The following ADGRB3 variants were observed in gnomAD, a reference collection of about 807,000 sequenced individuals.
The protein encoded by ADGRB3 is adhesion G protein-coupled receptor B3.
Under a neutral mutation model 193.4 loss-of-function variants are expected in ADGRB3, and 37 were observed. The ratio of observed to expected loss-of-function variants is 0.19; its 90% CI spans 0.15 to 0.25. The LOEUF (loss-of-function observed/expected upper bound fraction) is 0.25, where lower values mean the gene tolerates loss of function less well. Ranked by LOEUF, ADGRB3 falls within the 10% of genes least tolerant of loss-of-function variation. The pLI is 1.00. For missense variants in ADGRB3, 1,637 were observed against 1,852.9 expected, an observed-to-expected ratio of 0.88 and a Z score of 2.14; for synonymous variants, 690 against 644.2, an observed-to-expected ratio of 1.07 and a Z score of -1.08.
At chr6:69,079,387 A>G (rs1357004900) in intron 17 of ADGRB3, among the ~76,000 whole-genome samples, 1 of 152,122 alleles carries the variant, frequency 6.6e-6, no homozygotes. Flanking sequence ...CCTTCATGCT[A>G]AAAACTCTGG....
chr6:69,230,577 G>T (rs1766111280), intron 17 of ADGRB3, among the ~76,000 whole-genome samples: 2 of 152,102 alleles, frequency 1.3e-5, no homozygotes, highest in African/African-American at 2.4e-5. Flanking sequence ...ATACTATATA[G>T]TTTGTAATAA....
At chr6:68,674,500 A>T (rs1414681801) in intron 3 of ADGRB3, among the ~76,000 whole-genome samples, 1 of 152,184 alleles carries the variant, frequency 6.6e-6, no homozygotes, top group Non-Finnish European at 1.5e-5. Flanking sequence ...TTTACCACTT[A>T]TTAGGCGTGA....
chr6:68,896,476 T>C (rs1766221418), intron 3 of ADGRB3, among the ~76,000 whole-genome samples: 1 of 152,168 alleles, frequency 6.6e-6, no homozygotes, highest in African/African-American at 2.4e-5. Flanking sequence ...ATGAAGTAAT[T>C]AGAAAATGCC....
At chr6:68,821,598 T>A (rs1044090792) in intron 3 of ADGRB3, among the ~76,000 whole-genome samples, 9 of 151,864 alleles carry the variant, frequency 5.9e-5, no homozygotes, top group East Asian at 1.9e-4. Flanking sequence ...AAAAAAAAAA[T>A]TTGAGTTTTG....
intron 17 of ADGRB3, among the ~76,000 whole-genome samples, chr6:69,179,500 G>A (rs1380887123): frequency 6.6e-6 from 1 of 152,108 alleles, no homozygotes; most frequent in Non-Finnish European, 1.5e-5. Context: ...ATTTTGGTTA[G>A]GGACCATTGC....
intron 26 of ADGRB3, among the ~76,000 whole-genome samples, chr6:69,350,472 A>G (rs1357638696): frequency 6.6e-6 from 1 of 152,132 alleles, no homozygotes; most frequent in East Asian, 1.9e-4. Context: ...TTTGAAGTCT[A>G]GATTTTAACT....
chr6:68,931,797 T>G (rs1767344378), intron 4 of ADGRB3, among the ~76,000 whole-genome samples: 1 of 152,152 alleles, frequency 6.6e-6, no homozygotes, highest in Non-Finnish European at 1.5e-5. Flanking sequence ...TTAGTTGAGT[T>G]GTAAGGAGGT....
intron 28 of ADGRB3, among the ~76,000 whole-genome samples, chr6:69,357,408 T>A (rs903718196): frequency 6.6e-6 from 1 of 152,050 alleles, no homozygotes; most frequent in Admixed American, 6.6e-5. Context: ...TTTACCAATT[T>A]CAGGTTAGCA....
At chr6:68,914,572 C>T (rs577901521) in intron 3 of ADGRB3, among the ~76,000 whole-genome samples, 1 of 152,236 alleles carries the variant, frequency 6.6e-6, no homozygotes, top group Admixed American at 6.5e-5. Flanking sequence ...ACAACCAGTA[C>T]CAGCCACTGC....
chr6:69,232,640 C>G lies in ADGRB3; in HGVS notation c.2481-650C>G, dbSNP rs1288262685. 2.6e-6 allele frequency: 4 copies of G among 1,533,636 alleles called. No homozygotes were observed. In the African/African-American group the frequency reaches 5.5e-5, roughly 21 times the overall value. On this transcript the variant is annotated intron_variant, in intron 17 of 31. Coordinates refer to ENST00000370598, the MANE Select transcript of ADGRB3 (RefSeq NM_001704.3). ...GAGTAGGAAGCTTAGGTCTGAAACC[C>G]ACCCCTCCCCTGGATACCAGGCAAA...
chr6:68,993,850 C>A lies in ADGRB3; in HGVS notation c.1817C>A (p.Thr606Asn). Residue 606 changes from threonine to asparagine, a missense_variant, in exon 11 of 32, where the codon ACT becomes AAT. Thr to Asn is a moderately conservative substitution (Grantham distance 65). Around this residue, in one of 7 missense-constraint regions of ADGRB3, gnomAD observed 641 missense variants for 673.9 expected, o/e 0.95. Transcript: ENST00000370598. ...SQVTKTLLDLTQRKNFYAGDL... is the reference protein window; with the variant it reads ...SQVTKTLLDLNQRKNFYAGDL... ...GTGACCAAGACACTGTTGGATTTAACTCAGAGAAAAAATTTCTATGCAGGC... is the reference window on the plus strand; with the variant it reads ...GTGACCAAGACACTGTTGGATTTAAATCAGAGAAAAAATTTCTATGCAGGC... The A allele has an allele frequency of 6.2e-7, 1 of 1,613,976 alleles. No individual in the cohort carries two copies. Among genetic ancestry groups the A allele is most frequent in the Non-Finnish European group, 8.5e-7 (1 of 1,179,886 alleles).
In ADGRB3 at chr6:68,677,892, A is replaced by G. The variant is rs138693201; in HGVS notation, c.757+38460A>G. 2.6e-3 allele frequency among the ~76,000 whole-genome samples: 403 copies of G among 152,282 alleles called. 1 individual carries two copies. Among genetic ancestry groups the G allele is most frequent in the Non-Finnish European group, 4.4e-3 (299 of 68,012 alleles). On this transcript the variant is annotated intron_variant, in intron 3 of 31. Transcript: ENST00000370598. The stretch of plus-strand genomic sequence containing the variant: ...ATTTTTAAAGGACTTTCAAGTTATG[A>G]TCAAGTGGGTGCTACATGAAAAAGA...
intron 17 of ADGRB3, among the ~76,000 whole-genome samples, chr6:69,128,620 C>A (rs1430899204): frequency 3.3e-5 from 5 of 152,102 alleles, no homozygotes; most frequent in Non-Finnish European, 5.9e-5. Flanking sequence ...CAAAGCCAAG[C>A]AATCTATTTT....
intron 17 of ADGRB3, among the ~76,000 whole-genome samples, chr6:69,170,834 G>T (rs1004822216): frequency 6.6e-6 from 1 of 152,088 alleles, no homozygotes; most frequent in African/African-American, 2.4e-5. Flanking sequence ...CTTATTAGTG[G>T]CACATAGTTC....
chr6:69,164,970 CT>C (rs1775094410), intron 17 of ADGRB3, among the ~76,000 whole-genome samples: 2 of 151,922 alleles, frequency 1.3e-5, no homozygotes, highest in Admixed American at 1.3e-4. Context: ...AGACATTATC[CT>C]CTTTCTATGC....
At chr6:69,281,658 G>A (rs541340681) in intron 20 of ADGRB3, among the ~76,000 whole-genome samples, 2 of 152,174 alleles carry the variant, frequency 1.3e-5, no homozygotes, top group African/African-American at 4.8e-5. Context: ...AAACTGCTCT[G>A]GATTAGAGCA....
chr6:69,241,135 A>G (rs1475004129), intron 20 of ADGRB3, among the ~76,000 whole-genome samples: 1 of 151,966 alleles, frequency 6.6e-6, no homozygotes, highest in African/African-American at 2.4e-5. Flanking sequence ...ATGGTACTAC[A>G]GACATTTCTA....
intron 10 of ADGRB3, among the ~76,000 whole-genome samples, chr6:68,977,720 C>T (rs72906771): frequency 0.26 from 39,768 of 151,950 alleles, 5,470 homozygotes; most frequent in Middle Eastern, 0.42. Flanking sequence ...GTTTATTCGG[C>T]TCCTACATAG....
At chr6:68,860,831 A>G (rs1765130824) in intron 3 of ADGRB3, among the ~76,000 whole-genome samples, 1 of 152,168 alleles carries the variant, frequency 6.6e-6, no homozygotes, top group Admixed American at 6.5e-5. Flanking sequence ...TTTTCCAAAG[A>G]ACTTGTACTG....
Sources: allele counts gnomAD v4.1 joint callset (sites outside exome capture counted in the v4.1 genomes callset), GRCh38; gene constraint gnomAD v4.1.1; regional missense constraint gnomAD v4.1.1; transcripts MANE v1.5; gene names NCBI Gene and HGNC (gene_info 2026-07-23, HGNC 2026-07-21).